The following NPFFR2 variants were observed in gnomAD, a reference collection of about 807,000 sequenced individuals.
NPFFR2 encodes G-protein coupled receptor 74.
Under a neutral mutation model 13.1 loss-of-function variants are expected in NPFFR2, and 15 were observed. That is an observed-to-expected ratio of 1.15 (90% CI 0.77 to 1.76). The LOEUF (loss-of-function observed/expected upper bound fraction) is 1.76, where lower values mean the gene tolerates loss of function less well. Among genes scored for constraint, NPFFR2 ranks in the 40% most tolerant of loss-of-function variants. NPFFR2 has a pLI of 0.00. For missense variants in NPFFR2, 572 were observed against 503.5 expected (o/e 1.14, Z -1.30); for synonymous variants, 190 against 175.7 (o/e 1.08, Z -0.65).
intron 1 of NPFFR2, among the ~76,000 whole-genome samples, chr4:72,056,191 A>G (rs180813942): frequency 1.3e-5 from 2 of 152,112 alleles, no homozygotes; most frequent in Admixed American, 1.3e-4. Context: ...TCAGAACCTC[A>G]AAGGACAGCC....
intron 2 of NPFFR2, among the ~76,000 whole-genome samples, chr4:72,135,773 T>C (rs548910170): frequency 6.6e-6 from 1 of 152,180 alleles, no homozygotes; most frequent in South Asian, 2.1e-4. Context: ...GTTTCCCTAG[T>C]GTTAACTGCT....
chr4:72,138,826 G>A (rs1372187010), intron 3 of NPFFR2, among the ~76,000 whole-genome samples: 1 of 152,048 alleles, frequency 6.6e-6, no homozygotes, highest in East Asian at 1.9e-4. Context: ...AGGTCCTTGA[G>A]GAATCGTCAC....
intron 3 of NPFFR2, among the ~76,000 whole-genome samples, chr4:72,145,146 T>G (rs1241223961): frequency 1.3e-5 from 2 of 151,668 alleles, no homozygotes; most frequent in African/African-American, 4.8e-5. Context: ...ATTCTCTATC[T>G]TATTCATCTT....
chr4:72,079,653 T>G lies in NPFFR2; in HGVS notation c.-8+47453T>G, dbSNP rs138768608. On this transcript the variant is annotated intron_variant, in intron 1 of 3. Transcript: ENST00000308744. Reference sequence around the variant, plus strand: ...AATTAAGAAATTCAAAAACCAGTACTGAGGGAATGAAAAGACAAACCATAG... The same window carrying G: ...AATTAAGAAATTCAAAAACCAGTACGGAGGGAATGAAAAGACAAACCATAG... Among the ~76,000 whole-genome samples, 118 of 152,230 alleles carry G rather than the reference T, an allele frequency of 7.8e-4. 1 individual carries two copies. In the East Asian group the frequency reaches 0.02, roughly 26 times the overall value.
chr4:72,062,625 G>A lies in NPFFR2; in HGVS notation c.-8+30425G>A, dbSNP rs181138586. 6.3e-3 allele frequency among the ~76,000 whole-genome samples: 960 copies of A among 151,878 alleles called. 5 individuals carry two copies. Among genetic ancestry groups the A allele is most frequent in the Middle Eastern group, 0.021 (6 of 292 alleles). ...TTGCATAAAGACGTGAAATCTTCCC[G>A]ATCCCTTTAATATGGGCTGCACATG... is the stretch of plus-strand genomic sequence containing the variant. On this transcript the variant is annotated intron_variant, in intron 1 of 3. Transcript: ENST00000308744.
chr4:72,100,983 T>C (rs943096633), intron 1 of NPFFR2, among the ~76,000 whole-genome samples: 2 of 152,104 alleles, frequency 1.3e-5, no homozygotes, highest in African/African-American at 4.8e-5. Flanking sequence ...GAAATCATTC[T>C]ATTTTTTTTG....
Position 72,147,266 on chromosome 4 carries a change from T to C in NPFFR2, c.717T>C (p.Tyr239=). 6.2e-7 allele frequency: 1 copy of C among 1,614,154 alleles called. No homozygotes were observed. The highest frequency in any genetic ancestry group is 8.5e-7 in the Non-Finnish European group (1 of 1,180,010). Residue 239 remains tyrosine, a synonymous_variant, in exon 4 of 4, where the codon TAT becomes TAC. Transcript: ENST00000308744. ...LAPLSLIVIM[Y]GRIGISLFRA... Reference sequence around the variant, plus strand: ...CCCTCTCCCTCATTGTCATCATGTATGGAAGGATTGGAATTTCACTCTTCA... The same window carrying C: ...CCCTCTCCCTCATTGTCATCATGTACGGAAGGATTGGAATTTCACTCTTCA...
chr4:72,141,070 A>G (rs1722601315), intron 3 of NPFFR2, among the ~76,000 whole-genome samples: 1 of 151,788 alleles, frequency 6.6e-6, no homozygotes, highest in African/African-American at 2.4e-5. Flanking sequence ...GTATTCTCTG[A>G]TAGTAGTTTG....
At chr4:72,107,237 T>A (rs1721442439) in intron 1 of NPFFR2, among the ~76,000 whole-genome samples, 1 of 151,516 alleles carries the variant, frequency 6.6e-6, no homozygotes, top group Non-Finnish European at 1.5e-5. Flanking sequence ...AACTTGGGGT[T>A]ATAGGCAGGG....
chr4:72,058,259 A>C (rs1214657030), intron 1 of NPFFR2, among the ~76,000 whole-genome samples: 1 of 151,940 alleles, frequency 6.6e-6, no homozygotes, highest in African/African-American at 2.4e-5. Context: ...AGTTTAGAAA[A>C]TACTATGTAT....
intron 1 of NPFFR2, among the ~76,000 whole-genome samples, chr4:72,108,465 C>T (rs575680228): frequency 1.4e-4 from 21 of 151,928 alleles, no homozygotes; most frequent in Non-Finnish European, 3.1e-4. Flanking sequence ...TACCAATTCA[C>T]TGTCTGAACT....
intron 1 of NPFFR2, among the ~76,000 whole-genome samples, chr4:72,032,998 GGT>G (rs1209582930): frequency 6.6e-6 from 1 of 151,928 alleles, no homozygotes; most frequent in African/African-American, 2.4e-5. Context: ...CAAAGATGCT[GGT>G]TTCCTTTTTT....
chr4:72,066,941 C>A (rs911064403), intron 1 of NPFFR2, among the ~76,000 whole-genome samples: 1 of 152,166 alleles, frequency 6.6e-6, no homozygotes, highest in Admixed American at 6.5e-5. Context: ...GCTCTGCTCC[C>A]ATGGCTCCAT....
Position 72,089,998 on chromosome 4 carries a change from T to C in NPFFR2, c.-7-38587T>C, listed in dbSNP as rs192577197. 7.3e-4 allele frequency among the ~76,000 whole-genome samples: 111 copies of C among 152,286 alleles called. 1 individual carries two copies. The highest frequency in any genetic ancestry group is 2.5e-3 in the African/African-American group (105 of 41,558). On this transcript the variant is annotated intron_variant, in intron 1 of 3. Coordinates refer to ENST00000308744, the MANE Select transcript of NPFFR2 (RefSeq NM_004885.3). ...TTGATCTATCTTGATTTGATTTTTG[T>C]ATAAGGTGAGAGATGAGGATCCAGT...
At chr4:72,125,115 G>A (rs1361549287) in intron 1 of NPFFR2, among the ~76,000 whole-genome samples, 1 of 152,134 alleles carries the variant, frequency 6.6e-6, no homozygotes, top group African/African-American at 2.4e-5. Context: ...AGTGGGTGAA[G>A]GATACGAACA....
rs188776415 is a variant in NPFFR2, at chr4:72,040,452, A to C, written c.-8+8252A>C. Among the ~76,000 whole-genome samples the C allele has an allele frequency of 3.8e-3, 584 of 152,266 alleles. 3 individuals carry two copies. Among genetic ancestry groups the C allele is most frequent in the African/African-American group, 0.013 (561 of 41,572 alleles). The stretch of plus-strand genomic sequence containing the variant: ...TAAAATCTCATATATAATGGGATCT[A>C]TATTTGTATCCTTGATTCTGTTTCA... On this transcript the variant is annotated intron_variant, in intron 1 of 3. Transcript: ENST00000308744.
At chr4:72,105,763 GA>G (rs998933044) in intron 1 of NPFFR2, among the ~76,000 whole-genome samples, 20 of 150,060 alleles carry the variant, frequency 1.3e-4, no homozygotes, top group Middle Eastern at 3.4e-3. Flanking sequence ...TGACATCAAG[GA>G]AAAAAAAACT....
At chr4:72,109,724 T>G (rs76171525) in intron 1 of NPFFR2, among the ~76,000 whole-genome samples, 2,016 of 152,096 alleles carry the variant, frequency 0.013, 54 homozygotes, top group African/African-American at 0.046. Context: ...TGTTGTTGTT[T>G]TTTAATGAAT....
At chr4:72,127,278 T>G (rs1722078130) in intron 1 of NPFFR2, among the ~76,000 whole-genome samples, 1 of 83,840 alleles carries the variant, frequency 1.2e-5, no homozygotes, top group Non-Finnish European at 2.0e-5. Context: ...CACTCCAGCC[T>G]GGGTGACAGA....
Sources: allele counts gnomAD v4.1 joint callset (sites outside exome capture counted in the v4.1 genomes callset), GRCh38; gene constraint gnomAD v4.1.1; transcripts MANE v1.5; gene names NCBI Gene and HGNC (gene_info 2026-07-23, HGNC 2026-07-21).